RAB3C: variants seen among roughly 807,000 people sequenced by gnomAD.
RAB3C encodes RAB3C, member RAS oncogene family, also known as ras-related protein Rab-3C.
RAB3C carries 17 observed loss-of-function variants against 26.4 expected under a neutral mutation model. The ratio of observed to expected loss-of-function variants is 0.64; its 90% CI spans 0.44 to 0.97. RAB3C has a LOEUF of 0.97. RAB3C is among the 50% of genes least tolerant of loss of function. RAB3C has a pLI of 0.00. For missense variants in RAB3C, 242 were observed against 281.9 expected (o/e 0.86, Z 1.01); for synonymous variants, 91 against 95.9 (o/e 0.95, Z 0.30).
upstream of RAB3C, among the ~76,000 whole-genome samples, chr5:58,582,717 G>A (rs923134007): frequency 6.6e-6 from 1 of 152,144 alleles, no homozygotes; most frequent in African/African-American, 2.4e-5. Flanking sequence ...TTGGAAATTA[G>A]CACAAGGTAG....
intron 3 of RAB3C, among the ~76,000 whole-genome samples, chr5:58,802,092 T>C (rs1382397080): frequency 7.1e-6 from 1 of 140,466 alleles, no homozygotes; most frequent in Non-Finnish European, 1.5e-5. Flanking sequence ...ACTAAGAGAA[T>C]ATTATATACA....
intron 2 of RAB3C, among the ~76,000 whole-genome samples, chr5:58,649,873 C>T (rs1747606892): frequency 6.6e-6 from 1 of 152,164 alleles, no homozygotes; most frequent in African/African-American, 2.4e-5. Context: ...GCACATTTGC[C>T]TGACATCTGG....
chr5:58,657,459 A>G (rs1747806771), intron 2 of RAB3C, among the ~76,000 whole-genome samples: 1 of 152,212 alleles, frequency 6.6e-6, no homozygotes, highest in African/African-American at 2.4e-5. Flanking sequence ...GATCTGAATG[A>G]CGATGTGTGC....
chr5:58,771,374 A>T (rs906278961), intron 3 of RAB3C, among the ~76,000 whole-genome samples: 9 of 152,242 alleles, frequency 5.9e-5, no homozygotes, highest in South Asian at 2.1e-4. Context: ...AAATGAGATT[A>T]AAAAAACCTC....
At chr5:58,715,654 A>C (rs904029979) in intron 2 of RAB3C, among the ~76,000 whole-genome samples, 1 of 152,138 alleles carries the variant, frequency 6.6e-6, no homozygotes, top group Non-Finnish European at 1.5e-5. Context: ...GGAATACAGA[A>C]GTGTAGTCAA....
At chr5:58,827,133 A>T (rs1458873799) in intron 4 of RAB3C, among the ~76,000 whole-genome samples, 1 of 151,848 alleles carries the variant, frequency 6.6e-6, no homozygotes, top group African/African-American at 2.4e-5. Flanking sequence ...AGAGTCTGAA[A>T]AAATGATAAT....
Position 58,607,107 on chromosome 5 carries a change from A to G in RAB3C, c.25-10536A>G, listed in dbSNP as rs138586690. Among the ~76,000 whole-genome samples the G allele has an allele frequency of 4.3e-4, 65 of 152,310 alleles. No individual in the cohort carries two copies. The East Asian group carries it at 0.012, about 28-fold the overall frequency. On this transcript the variant is annotated intron_variant, in intron 1 of 4. Transcript: ENST00000282878. ...GGCTTCAGAAGGTCAGTAATAACAAACATCTCTGAGCTAAACGAGCATGTT... is the reference window on the plus strand; with the variant it reads ...GGCTTCAGAAGGTCAGTAATAACAAGCATCTCTGAGCTAAACGAGCATGTT...
chr5:58,602,696 G>A (rs1419009567), intron 1 of RAB3C, among the ~76,000 whole-genome samples: 1 of 152,100 alleles, frequency 6.6e-6, no homozygotes, highest in East Asian at 1.9e-4. Flanking sequence ...TGCATGAAAT[G>A]CCTTTTTCCA....
intron 3 of RAB3C, among the ~76,000 whole-genome samples, chr5:58,794,737 C>T (rs1488960555): frequency 1.3e-5 from 2 of 152,214 alleles, no homozygotes; most frequent in East Asian, 3.8e-4. Flanking sequence ...CCCCATTTTA[C>T]AGATGGAGAA....
chr5:58,704,240 G>A (rs1330326678), intron 2 of RAB3C, among the ~76,000 whole-genome samples: 4 of 152,092 alleles, frequency 2.6e-5, no homozygotes, highest in African/African-American at 9.7e-5. Flanking sequence ...ACGCATTTTG[G>A]TGTGTGAAGA....
At chr5:58,624,845 A>C (rs1579823459) in intron 2 of RAB3C, among the ~76,000 whole-genome samples, 1 of 152,166 alleles carries the variant, frequency 6.6e-6, no homozygotes, top group East Asian at 1.9e-4. Flanking sequence ...CAGTTATCTG[A>C]TCTGTAAAAT....
chr5:58,646,076 C>A (rs1055161912), intron 2 of RAB3C, among the ~76,000 whole-genome samples: 1 of 152,132 alleles, frequency 6.6e-6, no homozygotes, highest in Non-Finnish European at 1.5e-5. Flanking sequence ...ACAAAAGGAG[C>A]GAAGTCGAAT....
chr5:58,816,390 T>C (rs1257043732), intron 3 of RAB3C, among the ~76,000 whole-genome samples: 1 of 152,192 alleles, frequency 6.6e-6, no homozygotes, highest in Non-Finnish European at 1.5e-5. Flanking sequence ...CTGGGGTATC[T>C]ATACTCCAAC....
chr5:58,739,350 G>A lies in RAB3C; in HGVS notation c.371+13230G>A, dbSNP rs377189804. 1.6e-4 allele frequency among the ~76,000 whole-genome samples: 25 copies of A among 152,262 alleles called. No homozygotes were observed. The South Asian group carries it at 3.3e-3, about 20-fold the overall frequency. On this transcript the variant is annotated intron_variant, in intron 3 of 4. Coordinates refer to ENST00000282878, the MANE Select transcript of RAB3C (RefSeq NM_138453.4). ...GATACGACCCCAGTCTACTCTCTAT[G>A]TATTTTCAAGTCTTTGATATTGTTT...
intron 2 of RAB3C, among the ~76,000 whole-genome samples, chr5:58,719,394 C>T (rs1457814543): frequency 6.6e-6 from 1 of 151,926 alleles, no homozygotes; most frequent in Non-Finnish European, 1.5e-5. Flanking sequence ...CTGACTTCTC[C>T]ATAGACCACC....
chr5:58,819,842 T>G (rs1743299643), intron 3 of RAB3C, among the ~76,000 whole-genome samples: 1 of 152,144 alleles, frequency 6.6e-6, no homozygotes, highest in Non-Finnish European at 1.5e-5. Context: ...TACTCCAACC[T>G]GGGCAACACA....
At chr5:58,694,667 C>A (rs1358414325) in intron 2 of RAB3C, among the ~76,000 whole-genome samples, 2 of 152,202 alleles carry the variant, frequency 1.3e-5, no homozygotes, top group East Asian at 3.8e-4. Context: ...TTTTGATTTG[C>A]ATTTTTCTGA....
chr5:58,756,318 T>G (rs954150353), intron 3 of RAB3C, among the ~76,000 whole-genome samples: 1 of 134,042 alleles, frequency 7.5e-6, no homozygotes, highest in Non-Finnish European at 1.6e-5. Context: ...CCCCAGTAGT[T>G]ATATATATAT....
rs57733643 is a variant in RAB3C at position 58,851,738 on chromosome 5, TTGTGTGTGTG to T, written c.*406_*415del. On this transcript the variant is annotated 3_prime_UTR_variant, in exon 5 of 5. Transcript: ENST00000282878. ...GTAGGAATGATGACCAAGGAATTGC[TTGTGTGTGTG>T]TGTGTGTGTGTGTGTGTGCACGCAT... The T allele has an allele frequency of 2.0e-5, 3 of 152,492 alleles. No individual in the cohort carries two copies. The highest frequency in any genetic ancestry group is 2.5e-5 in the African/African-American group (1 of 40,526). The allele number at this position is 152,492 out of a possible 1,614,324, so 9.4% of individuals were successfully genotyped here.
Sources: gnomAD v4.1 joint callset for allele counts (sites outside exome capture counted in the v4.1 genomes callset) on GRCh38, gnomAD v4.1.1 for gene constraint, MANE v1.5 for transcripts, NCBI Gene and HGNC (gene_info 2026-07-23, HGNC 2026-07-21) for gene names.